CCAR1: variants seen among roughly 807,000 people sequenced by gnomAD.
CCAR1 encodes cell division cycle and apoptosis regulator 1.
Under a neutral mutation model 163.8 loss-of-function variants are expected in CCAR1, and 78 were observed. That is an observed-to-expected ratio of 0.48 (90% confidence interval 0.40 to 0.57). The LOEUF is 0.57. CCAR1 is among the 20% of genes least tolerant of loss of function. The pLI is 0.00. For missense variants in CCAR1, 1,019 were observed against 1,365.2 expected, an observed-to-expected ratio of 0.75 and a Z score of 4.00; for synonymous variants, 443 against 460.7, an observed-to-expected ratio of 0.96 and a Z score of 0.49.
intron 23 of CCAR1, among the ~76,000 whole-genome samples, chr10:68,788,677 G>A (rs887169804): frequency 6.6e-6 from 1 of 151,946 alleles, no homozygotes; most frequent in Non-Finnish European, 1.5e-5. Flanking sequence ...TAGAAATGGG[G>A]TTTCACCATG....
intron 17 of CCAR1, among the ~76,000 whole-genome samples, chr10:68,768,600 G>A (rs914094565): frequency 1.3e-5 from 2 of 152,128 alleles, no homozygotes; most frequent in Non-Finnish European, 2.9e-5. Context: ...AACAGAGCGA[G>A]ACTTTGTCTC....
intron 15 of CCAR1, among the ~76,000 whole-genome samples, chr10:68,760,245 T>C (rs542526104): frequency 5.9e-5 from 9 of 152,242 alleles, no homozygotes; most frequent in Non-Finnish European, 1.3e-4. Flanking sequence ...ACTCCTGGGC[T>C]CAAGCAGTCT....
chr10:68,722,595 A>T lies in CCAR1; in HGVS notation c.73+18A>T, dbSNP rs2055874727. On this transcript the variant is annotated intron_variant, in intron 2 of 24. Coordinates refer to ENST00000265872, the MANE Select transcript of CCAR1 (RefSeq NM_018237.4). ...ACAGCCAGGTCAGGCTTCTAAATAC[A>T]TGTACTGTAATTGTTTGTGGGGGAC... is the stretch of plus-strand genomic sequence containing the variant. 1 of 1,578,190 alleles carries T rather than the reference A, an allele frequency of 6.3e-7. No individual in the cohort carries two copies. The highest frequency in any genetic ancestry group is 1.3e-5 in the African/African-American group (1 of 74,102).
chr10:68,723,113 T>A (rs1438506512), intron 2 of CCAR1, among the ~76,000 whole-genome samples: 2 of 151,370 alleles, frequency 1.3e-5, no homozygotes, highest in African/African-American at 2.4e-5. Context: ...TTTATTTTTT[T>A]ATTTATTTTT....
At chr10:68,771,508 T>C in intron 18 of CCAR1, 63 bp downstream of exon 18, 1 of 1,387,832 alleles carries the variant, frequency 7.2e-7, no homozygotes, top group South Asian at 1.3e-5. Flanking sequence ...AAGGTTGATG[T>C]TGATTTCCAT....
rs193202388 is a variant in CCAR1, at chr10:68,726,216, A to G, written c.73+3639A>G. Among the ~76,000 whole-genome samples, 914 of 147,086 alleles carry G rather than the reference A, an allele frequency of 6.2e-3. 7 individuals carry two copies. Among genetic ancestry groups the G allele is most frequent in the African/African-American group, 0.022 (873 of 39,946 alleles). Reference sequence around the variant, plus strand: ...GCCCAGGCTGGAGTGCAGTGGCATGATCTTGGCTCACTGCAAGCTCCACCT... The same window carrying G: ...GCCCAGGCTGGAGTGCAGTGGCATGGTCTTGGCTCACTGCAAGCTCCACCT... On this transcript the variant is annotated intron_variant, in intron 2 of 24. Coordinates refer to ENST00000265872, the MANE Select transcript of CCAR1 (RefSeq NM_018237.4).
At chr10:68,721,634 C>T (rs2055858963) in intron 1 of CCAR1, 1 of 443,382 alleles carries the variant, frequency 2.3e-6, no homozygotes, top group Non-Finnish European at 4.5e-6. Flanking sequence ...CTCCCGGCGG[C>T]GTGGGTCTTG....
chr10:68,750,877 T>C (rs780629146), intron 10 of CCAR1, among the ~76,000 whole-genome samples: 19 of 152,204 alleles, frequency 1.2e-4, no homozygotes, highest in Non-Finnish European at 2.4e-4. Context: ...AATTTCCAGA[T>C]ATTCAGTTCT....
intron 4 of CCAR1, among the ~76,000 whole-genome samples, chr10:68,740,088 A>G (rs2056163774): frequency 6.6e-6 from 1 of 152,172 alleles, no homozygotes; most frequent in Non-Finnish European, 1.5e-5. Context: ...ATATCTATGA[A>G]TTGGATTGAT....
chr10:68,782,279 A>G (rs76318364), intron 19 of CCAR1, among the ~76,000 whole-genome samples: 2,142 of 152,244 alleles, frequency 0.014, 55 homozygotes, highest in African/African-American at 0.048. Flanking sequence ...GAAAGCAACC[A>G]TCTCCTTAAG....
At chr10:68,778,712 G>A (rs1381251834) in intron 19 of CCAR1, among the ~76,000 whole-genome samples, 1 of 152,144 alleles carries the variant, frequency 6.6e-6, no homozygotes, top group Non-Finnish European at 1.5e-5. Context: ...TAATTAAATA[G>A]GCTCCAAATA....
chr10:68,764,583 C>T (rs2056514404), intron 16 of CCAR1, among the ~76,000 whole-genome samples: 1 of 151,914 alleles, frequency 6.6e-6, no homozygotes, highest in Non-Finnish European at 1.5e-5. Context: ...AAACCCTTAC[C>T]AAGTTGCAGA....
In CCAR1 at chr10:68,749,580, G is replaced by A. The variant is rs1039727484; in HGVS notation, c.1013G>A (p.Arg338His). 3 of 1,613,818 alleles carry A rather than the reference G, an allele frequency of 1.9e-6. No individual in the cohort carries two copies. Among genetic ancestry groups the A allele is most frequent in the Admixed American group, 1.7e-5 (1 of 59,992 alleles). Residue 338 changes from arginine (R) to histidine (H), a missense_variant, in exon 10 of 25, where the codon CGT (arginine) becomes CAT (histidine). By Grantham distance (29) the Arg-to-His change is conservative. Coordinates refer to ENST00000265872, the MANE Select transcript of CCAR1 (RefSeq NM_018237.4). ...RSRERSPQRK[R>H]SRERSPRRER... Reference sequence around the variant, plus strand: ...AGAGAAAGATCACCTCAGAGGAAACGTTCCCGGGAAAGATCTCCACGAAGA... The same window carrying A: ...AGAGAAAGATCACCTCAGAGGAAACATTCCCGGGAAAGATCTCCACGAAGA...
At chr10:68,780,459 A>G (rs1033769963) in intron 19 of CCAR1, among the ~76,000 whole-genome samples, 2 of 152,184 alleles carry the variant, frequency 1.3e-5, no homozygotes, top group African/African-American at 4.8e-5. Context: ...TCCCAAAGCG[A>G]TGTGATGACA....
intron 19 of CCAR1, among the ~76,000 whole-genome samples, chr10:68,775,729 C>A (rs1175795426): frequency 9.1e-6 from 1 of 109,514 alleles, no homozygotes; most frequent in Non-Finnish European, 1.7e-5. Flanking sequence ...TGGAGTCTCA[C>A]TCTGTTGCCC....
chr10:68,786,299 G>A, intron 20 of CCAR1, 81 bp downstream of exon 20: 1 of 1,028,004 alleles, frequency 9.7e-7, no homozygotes, highest in Non-Finnish European at 1.4e-6. Flanking sequence ...AAGTTTATTA[G>A]TCCTTATACA....
In CCAR1 at chr10:68,760,949, T is replaced by C. The variant is rs191105060; in HGVS notation, c.1921-58T>C. On this transcript the variant is annotated intron_variant, in intron 15 of 24. Transcript: ENST00000265872. Reference sequence around the variant, plus strand: ...GTTTGTTTCCTATTTCAATATCCGCTGCCCCCCGCCCCCCGCCACCTTTTT... The same window carrying C: ...GTTTGTTTCCTATTTCAATATCCGCCGCCCCCCGCCCCCCGCCACCTTTTT... The C allele has an allele frequency of 1.1e-3, 577 of 546,714 alleles. 36 individuals carry two copies. In the East Asian group the frequency reaches 0.023, roughly 22 times the overall value. 33.9% of individuals were successfully genotyped at this position (546,714 alleles called of 1,614,324 possible).
chr10:68,726,353 C>G (rs183440953), intron 2 of CCAR1, among the ~76,000 whole-genome samples: 1 of 151,814 alleles, frequency 6.6e-6, no homozygotes, highest in Non-Finnish European at 1.5e-5. Flanking sequence ...GGGTTTCACC[C>G]TGTTAGCCAA....
chr10:68,784,495 G>A (rs2056773284), intron 19 of CCAR1, among the ~76,000 whole-genome samples: 1 of 152,142 alleles, frequency 6.6e-6, no homozygotes, highest in Non-Finnish European at 1.5e-5. Context: ...TTACAGGCGT[G>A]ACCCACCATG....
Sources: allele counts gnomAD v4.1 joint callset (sites outside exome capture counted in the v4.1 genomes callset), GRCh38; gene constraint gnomAD v4.1.1; transcripts MANE v1.5; gene names NCBI Gene and HGNC (gene_info 2026-07-23, HGNC 2026-07-21).